Variants in HS3ST5 observed in about 807,000 individuals in gnomAD.
HS3ST5 encodes heparan sulfate-glucosamine 3-sulfotransferase 5.
HS3ST5 carries 10 observed loss-of-function variants against 25.4 expected under a neutral mutation model. The observed-to-expected ratio is 0.39, with a 90% confidence interval of 0.24 to 0.67. The LOEUF (loss-of-function observed/expected upper bound fraction) is 0.67, where lower values mean the gene tolerates loss of function less well. HS3ST5 is among the 30% of genes least tolerant of loss of function. The pLI, the probability that HS3ST5 is intolerant of heterozygous loss-of-function variation, is 0.44. For synonymous variants in HS3ST5, 170 were observed against 162.4 expected, an observed-to-expected ratio of 1.05 and a Z score of -0.36; for missense variants, 324 against 420.7, an observed-to-expected ratio of 0.77 and a Z score of 2.01.
At chr6:114,183,433 A>G (rs2115028314) in intron 2 of HS3ST5, among the ~76,000 whole-genome samples, 1 of 152,270 alleles carries the variant, frequency 6.6e-6, no homozygotes, top group Non-Finnish European at 1.5e-5. Context: ...TGGAACTAGG[A>G]ATCTATTAAA....
At chr6:114,208,874 T>A (rs1781392121) in intron 2 of HS3ST5, among the ~76,000 whole-genome samples, 1 of 152,160 alleles carries the variant, frequency 6.6e-6, no homozygotes. Context: ...ATTTTAAAGT[T>A]TAGGGTTTGT....
At chr6:114,169,128 G>A (rs901642124) in intron 2 of HS3ST5, among the ~76,000 whole-genome samples, 24 of 152,130 alleles carry the variant, frequency 1.6e-4, no homozygotes, top group African/African-American at 5.3e-4. Flanking sequence ...CTTTCAGGCT[G>A]CTGTTAAGAG....
chr6:114,091,926 AT>A (rs1775140975), intron 3 of HS3ST5, among the ~76,000 whole-genome samples: 1 of 152,188 alleles, frequency 6.6e-6, no homozygotes, highest in African/African-American at 2.4e-5. Flanking sequence ...TGCCATGGAC[AT>A]TTGCTGGCAA....
chr6:114,190,507 C>T (rs1780448716), intron 2 of HS3ST5, among the ~76,000 whole-genome samples: 1 of 152,094 alleles, frequency 6.6e-6, no homozygotes, highest in Non-Finnish European at 1.5e-5. Context: ...CTTTAAAAGT[C>T]ATTTCACTGG....
chr6:114,149,659 GAT>G (rs1326251896), intron 3 of HS3ST5, among the ~76,000 whole-genome samples: 2 of 152,064 alleles, frequency 1.3e-5, no homozygotes, highest in African/African-American at 4.8e-5. Flanking sequence ...ATGGTGGGTT[GAT>G]AGGTGCAGCA....
intron 3 of HS3ST5, among the ~76,000 whole-genome samples, chr6:114,094,508 C>A (rs1344260282): frequency 6.6e-6 from 1 of 152,162 alleles, no homozygotes; most frequent in Non-Finnish European, 1.5e-5. Context: ...GGGTAAAGAT[C>A]AGAAAGAATG....
At chr6:114,075,110 GAC>G (rs1283410004) in intron 3 of HS3ST5, among the ~76,000 whole-genome samples, 1 of 152,164 alleles carries the variant, frequency 6.6e-6, no homozygotes, top group Non-Finnish European at 1.5e-5. Flanking sequence ...ATGGACAACA[GAC>G]ACAGATTCTG....
chr6:114,322,283 A>G (rs1775999765), intron 1 of HS3ST5, among the ~76,000 whole-genome samples: 1 of 152,164 alleles, frequency 6.6e-6, no homozygotes, highest in Non-Finnish European at 1.5e-5. Flanking sequence ...AACTCTCAAA[A>G]TGAATAAGTC....
chr6:114,123,663 C>A (rs1776902155), intron 3 of HS3ST5, among the ~76,000 whole-genome samples: 1 of 152,176 alleles, frequency 6.6e-6, no homozygotes, highest in South Asian at 2.1e-4. Flanking sequence ...ACTTGACCTG[C>A]TTCATGCCTA....
chr6:114,327,952 T>C (rs1776237148), intron 1 of HS3ST5, among the ~76,000 whole-genome samples: 1 of 152,332 alleles, frequency 6.6e-6, no homozygotes, highest in Non-Finnish European at 1.5e-5. Flanking sequence ...GTCTACGTGA[T>C]GCTTGGAATT....
At chr6:114,252,901 T>C (rs1772729189) in intron 1 of HS3ST5, among the ~76,000 whole-genome samples, 1 of 152,072 alleles carries the variant, frequency 6.6e-6, no homozygotes, top group Non-Finnish European at 1.5e-5. Context: ...TTTTTTAAGT[T>C]AAAAGAAACA....
At chr6:114,082,030 C>A (rs971356376) in intron 3 of HS3ST5, among the ~76,000 whole-genome samples, 1 of 152,180 alleles carries the variant, frequency 6.6e-6, no homozygotes, top group African/African-American at 2.4e-5. Flanking sequence ...ATTTTTCCCT[C>A]CCAGCCCTTG....
chr6:114,271,578 CA>C (rs890679144), intron 1 of HS3ST5, among the ~76,000 whole-genome samples: 5 of 151,856 alleles, frequency 3.3e-5, no homozygotes, highest in African/African-American at 1.2e-4. Context: ...CAAATTAAAG[CA>C]AAAATCTAGT....
chr6:114,305,376 T>A (rs1367270321), intron 1 of HS3ST5, among the ~76,000 whole-genome samples: 1 of 152,144 alleles, frequency 6.6e-6, no homozygotes, highest in East Asian at 1.9e-4. Flanking sequence ...TCTTTTGAAG[T>A]GACAGACTCA....
intron 1 of HS3ST5, among the ~76,000 whole-genome samples, chr6:114,337,578 T>C (rs1776658904): frequency 6.6e-6 from 1 of 152,128 alleles, no homozygotes; most frequent in Admixed American, 6.5e-5. Context: ...AATTATTGAG[T>C]CCATTAAAAA....
At position 114,340,298 on chromosome 6, in the gene HS3ST5, T is replaced by A. The variant is rs567986438; in HGVS notation, c.-339+1897A>T. Reference sequence around the variant, plus strand: ...TGAATATTGTGCTCATAATTTCCCATGTAATTTGCTTACATACCTATTTGA... The same window carrying A: ...TGAATATTGTGCTCATAATTTCCCAAGTAATTTGCTTACATACCTATTTGA... On this transcript the variant is annotated intron_variant, in intron 1 of 4. Coordinates refer to ENST00000312719, the MANE Select transcript of HS3ST5 (RefSeq NM_153612.4). Among the ~76,000 whole-genome samples the A allele has an allele frequency of 2.6e-5, 4 of 152,376 alleles. No homozygotes were observed. The South Asian group carries it at 8.3e-4, about 32-fold the overall frequency.
At chr6:114,058,921 C>T (rs907169966) in intron 4 of HS3ST5, 3 of 152,206 alleles carry the variant, frequency 2.0e-5, no homozygotes, top group Non-Finnish European at 4.4e-5. Flanking sequence ...ATATCACCTA[C>T]CACACCTGGG....
intron 3 of HS3ST5, among the ~76,000 whole-genome samples, chr6:114,159,979 T>A (rs544235973): frequency 1.3e-5 from 2 of 152,334 alleles, no homozygotes; most frequent in South Asian, 4.1e-4. Flanking sequence ...GTAAAACTTG[T>A]AAAGTGTGAC....
intron 1 of HS3ST5, among the ~76,000 whole-genome samples, chr6:114,300,311 C>CA (rs1471907446): frequency 6.6e-6 from 1 of 151,588 alleles, no homozygotes; most frequent in Non-Finnish European, 1.5e-5. Flanking sequence ...TTTAAATATA[C>CA]AAAAAAATCC....
Sources: gnomAD v4.1 joint callset for allele counts (sites outside exome capture counted in the v4.1 genomes callset) on GRCh38, gnomAD v4.1.1 for gene constraint, MANE v1.5 for transcripts, NCBI Gene and HGNC (gene_info 2026-07-23, HGNC 2026-07-21) for gene names.